The following IQGAP1 variants were observed in gnomAD, a reference collection of about 807,000 sequenced individuals.
The protein encoded by IQGAP1 is IQ motif containing GTPase activating protein 1, also known as ras GTPase-activating-like protein IQGAP1.
Under a neutral mutation model 215.6 loss-of-function variants are expected in IQGAP1, and 66 were observed. That is an observed-to-expected ratio of 0.31 (90% CI 0.25 to 0.38). IQGAP1 has a LOEUF of 0.38. Ranked by LOEUF, IQGAP1 falls within the 10% of genes least tolerant of loss-of-function variation. The probability of loss-of-function intolerance (pLI) is 1.00; values close to 1 mark genes in which losing one functional copy is unlikely to be tolerated. For synonymous variants in IQGAP1, 772 were observed against 728.7 expected (o/e 1.06, Z -0.96); for missense variants, 1,712 against 1,997.1 (o/e 0.86, Z 2.72).
At chr15:90,446,684 A>G (rs1278241499) in intron 9 of IQGAP1, among the ~76,000 whole-genome samples, 1 of 152,234 alleles carries the variant, frequency 6.6e-6, no homozygotes, top group Non-Finnish European at 1.5e-5. Flanking sequence ...TAATGTAATT[A>G]TAGATAAGAT....
chr15:90,469,371 A>G (rs1965874576), intron 18 of IQGAP1, among the ~76,000 whole-genome samples: 1 of 152,254 alleles, frequency 6.6e-6, no homozygotes, highest in Non-Finnish European at 1.5e-5. Context: ...AAAAACTGAA[A>G]TAGTCCCTTT....
At position 90,433,803 on chromosome 15, in the gene IQGAP1, A is replaced by G. The variant is rs199964172; in HGVS notation, c.467+8A>G. On this transcript the variant is annotated splice_region_variant and intron_variant, in intron 5 of 37. Transcript: ENST00000268182. ...CTGTATCCATGCACTCAGGTAGTCA[A>G]ATTTTCTTGGCAAAATAAGGAAATT... 39 of 1,547,430 alleles carry G rather than the reference A, an allele frequency of 2.5e-5. 1 individual carries two copies. The highest frequency in any genetic ancestry group is 2.0e-4 in the East Asian group (9 of 44,036).
chr15:90,389,480 C>T (rs1964604238), intron 1 of IQGAP1, among the ~76,000 whole-genome samples: 1 of 151,568 alleles, frequency 6.6e-6, no homozygotes, highest in African/African-American at 2.4e-5. Flanking sequence ...GTACAGGCGT[C>T]GGCCACCACA....
rs1421528635 is a variant in IQGAP1 at position 90,476,925 on chromosome 15, G to T, written c.2940+107G>T. The T allele has an allele frequency of 2.3e-6, 3 of 1,324,870 alleles. No individual in the cohort carries two copies. The African/African-American group carries it at 4.4e-5, about 20-fold the overall frequency. The allele number at this position is 1,324,870 out of a possible 1,614,324, so 82.1% of individuals were successfully genotyped here. On this transcript the variant is annotated intron_variant, in intron 24 of 37. Coordinates refer to ENST00000268182, the MANE Select transcript of IQGAP1 (RefSeq NM_003870.4). Reference sequence around the variant, plus strand: ...GAAGTATTTTTGACTTCCACTGAGGGGTGAGTGAGGGGCACTGTAACATGT... The same window carrying T: ...GAAGTATTTTTGACTTCCACTGAGGTGTGAGTGAGGGGCACTGTAACATGT...
chr15:90,429,594 TG>T lies in IQGAP1; in HGVS notation c.320del (p.Gly107AlafsTer10). 6.3e-7 allele frequency: 1 copy of T among 1,591,724 alleles called. No homozygotes were observed. Among genetic ancestry groups the T allele is most frequent in the Non-Finnish European group, 8.5e-7 (1 of 1,172,686 alleles). ...DREQTRYKAT[G>X]LHFRHTDNVI... ...ATTTTCTTTTTTTTTTCTAGGCGAC[TG>T]GCCTCCACTTTAGACACACTGATAA... On this transcript the variant is annotated frameshift_variant, in exon 4 of 38. Coordinates refer to ENST00000268182, the MANE Select transcript of IQGAP1 (RefSeq NM_003870.4). LOFTEE classifies it high-confidence loss of function.
chr15:90,456,887 CA>C (rs745807702), intron 15 of IQGAP1, among the ~76,000 whole-genome samples: 1 of 138,548 alleles, frequency 7.2e-6, no homozygotes, highest in African/African-American at 2.8e-5. Context: ...GACTCCGTCT[CA>C]AAAAAATATA....
At chr15:90,413,014 C>G (rs1358056772) in intron 2 of IQGAP1, among the ~76,000 whole-genome samples, 1 of 152,186 alleles carries the variant, frequency 6.6e-6, no homozygotes, top group Non-Finnish European at 1.5e-5. Context: ...TGCATATGCT[C>G]TTAGTCTGGG....
At chr15:90,464,355 T>C (rs1965801622) in intron 15 of IQGAP1, among the ~76,000 whole-genome samples, 1 of 152,110 alleles carries the variant, frequency 6.6e-6, no homozygotes, top group South Asian at 2.1e-4. Context: ...CCCCACTCTT[T>C]TGAGATCGTT....
Position 90,471,475 on chromosome 15 carries a change from G to A in IQGAP1, c.2179-1365G>A, listed in dbSNP as rs76353848. On this transcript the variant is annotated intron_variant, in intron 18 of 37. Coordinates refer to ENST00000268182, the MANE Select transcript of IQGAP1 (RefSeq NM_003870.4). The stretch of plus-strand genomic sequence containing the variant: ...TTGCCATACTACTACTGCTCACAGC[G>A]CATGACCTCGCTCTACCTCATGAAG... Among the ~76,000 whole-genome samples, 311 of 151,758 alleles carry A rather than the reference G, an allele frequency of 2.0e-3. 1 individual carries two copies. Among genetic ancestry groups the A allele is most frequent in the African/African-American group, 7.1e-3 (295 of 41,286 alleles).
At chr15:90,495,375 T>TA (rs1966257220) in intron 36 of IQGAP1, among the ~76,000 whole-genome samples, 1 of 145,998 alleles carries the variant, frequency 6.8e-6, no homozygotes, top group South Asian at 2.3e-4. Context: ...TTTGTCTGTT[T>TA]AGGGGGGGAA....
intron 2 of IQGAP1, among the ~76,000 whole-genome samples, chr15:90,405,779 T>C (rs1478752506): frequency 6.6e-6 from 1 of 152,082 alleles, no homozygotes; most frequent in Non-Finnish European, 1.5e-5. Flanking sequence ...CACTTTTTTT[T>C]CTATCAGTTA....
Position 90,441,488 on chromosome 15 carries a change from TTTTG to T in IQGAP1, c.650-14_650-11del, listed in dbSNP as rs1254238819. On this transcript the variant is annotated splice_polypyrimidine_tract_variant and intron_variant, in intron 7 of 37. Coordinates refer to ENST00000268182, the MANE Select transcript of IQGAP1 (RefSeq NM_003870.4). ...TCTCAGTGTTTTTGTTGGTTTGTTT[TTTTG>T]TTTTTTTTTTTAGTACATGCTGCTG... 1.1e-5 allele frequency: 17 copies of T among 1,597,878 alleles called. No homozygotes were observed. In the African/African-American group the frequency reaches 1.1e-4, roughly 10 times the overall value.
chr15:90,481,004 C>T (rs1966050335), intron 26 of IQGAP1, among the ~76,000 whole-genome samples: 1 of 152,162 alleles, frequency 6.6e-6, no homozygotes, highest in African/African-American at 2.4e-5. Context: ...TAACAAATCA[C>T]CTCAAATTGG....
chr15:90,409,421 A>G (rs2151006493), intron 2 of IQGAP1, among the ~76,000 whole-genome samples: 1 of 152,114 alleles, frequency 6.6e-6, no homozygotes, highest in East Asian at 1.9e-4. Flanking sequence ...TATTTTTAGT[A>G]GAGATGGGGT....
Position 90,440,503 on chromosome 15 carries a change from AG to A in IQGAP1, c.538del (p.Glu180LysfsTer6). ...DLYGKVDFTE[E>X]EINNMKTELE... The stretch of plus-strand genomic sequence containing the variant: ...CTGATTATTAATTCCCTCCTGTAGA[AG>A]AAGAAATCAACAACATGAAGACTGA... On this transcript the variant is annotated frameshift_variant and splice_region_variant, in exon 7 of 38. Coordinates refer to ENST00000268182, the MANE Select transcript of IQGAP1 (RefSeq NM_003870.4). LOFTEE classifies it high-confidence loss of function. The A allele has an allele frequency of 6.4e-7, 1 of 1,555,996 alleles. No individual in the cohort carries two copies. Among genetic ancestry groups the A allele is most frequent in the Non-Finnish European group, 8.7e-7 (1 of 1,146,744 alleles).
At chr15:90,397,810 C>G (rs914142901) in intron 2 of IQGAP1, 4 of 151,888 alleles carry the variant, frequency 2.6e-5, no homozygotes, top group African/African-American at 9.7e-5. Context: ...GCCACCACGC[C>G]CGGCCTGAAC....
chr15:90,484,634 G>T (rs1026777641), intron 30 of IQGAP1, among the ~76,000 whole-genome samples: 1 of 151,884 alleles, frequency 6.6e-6, no homozygotes, highest in East Asian at 1.9e-4. Flanking sequence ...TCAGCCTCCC[G>T]AGTAGCTGGG....
intron 5 of IQGAP1, 128 bp from the exon 6 acceptor site, chr15:90,439,204 G>C: frequency 1.8e-6 from 1 of 543,800 alleles, no homozygotes; most frequent in Non-Finnish European, 3.3e-6. Flanking sequence ...AAAGGAGACT[G>C]TCGTAGGTAC....
chr15:90,422,535 CTT>C (rs969694903), intron 2 of IQGAP1, among the ~76,000 whole-genome samples: 3 of 149,440 alleles, frequency 2.0e-5, no homozygotes, highest in Non-Finnish European at 3.0e-5. Flanking sequence ...TTTATGTAAA[CTT>C]AAAGTCTTCA....
Sources: allele counts gnomAD v4.1 joint callset (sites outside exome capture counted in the v4.1 genomes callset), GRCh38; gene constraint gnomAD v4.1.1; transcripts MANE v1.5; gene names NCBI Gene and HGNC (gene_info 2026-07-23, HGNC 2026-07-21).